The following FAM163B variants were observed in gnomAD, a reference collection of about 807,000 sequenced individuals.
FAM163B encodes family with sequence similarity 163 member B.
FAM163B carries 4 observed loss-of-function variants against 7.6 expected under a neutral mutation model. That is an observed-to-expected ratio of 0.52 (90% CI 0.26 to 1.20). The LOEUF (loss-of-function observed/expected upper bound fraction) is 1.20. FAM163B is among the 50% of genes most tolerant of loss of function. The pLI is 0.14. For missense variants in FAM163B, 250 were observed against 243.0 expected, an observed-to-expected ratio of 1.03 and a Z score of -0.19; for synonymous variants, 120 against 111.6, an observed-to-expected ratio of 1.07 and a Z score of -0.47.
Position 133,579,148 on chromosome 9 carries a change from G to A in FAM163B, c.375C>T (p.Ser125=), listed in dbSNP as rs772227656. The change falls in exon 3 of 3, where the codon AGC becomes AGT. Residue 125 remains serine, a synonymous_variant. Coordinates refer to ENST00000673969, the MANE Select transcript of FAM163B (RefSeq NM_001080515.3). ...LNGGERVLYK[S]VSQEDVELPP... is the part of the protein sequence containing the mutation. The stretch of plus-strand genomic sequence containing the variant: ...GCAGCTCCACGTCCTCCTGGCTCAC[G>A]CTCTTGTAGAGCACGCGCTCCCCGC... 1.2e-5 allele frequency: 19 copies of A among 1,609,886 alleles called. No homozygotes were observed. Among genetic ancestry groups the A allele is most frequent in the East Asian group, 2.2e-5 (1 of 44,866 alleles).
chr9:133,606,864 T>C lies in FAM163B; in HGVS notation c.-24+2213A>G, dbSNP rs969608884. On this transcript the variant is annotated intron_variant, in intron 1 of 2. Coordinates refer to ENST00000673969, the MANE Select transcript of FAM163B (RefSeq NM_001080515.3). This position sits in a 1 kb window ranked among gnomAD's most constrained non-coding sequence, Gnocchi z 4.0. ...TATTCCTCGCTGGAGCCCGCTGCCA[T>C]GAGGCTGCAGAGGCAGGCCCACGTG... 6.6e-6 allele frequency among the ~76,000 whole-genome samples: 1 copy of C among 152,188 alleles called. No individual in the cohort carries two copies. The highest frequency in any genetic ancestry group is 2.4e-5 in the African/African-American group (1 of 41,446).
chr9:133,597,563 T>G (rs551256149), intron 1 of FAM163B, among the ~76,000 whole-genome samples: 1 of 152,008 alleles, frequency 6.6e-6, no homozygotes, highest in Non-Finnish European at 1.5e-5. Context: ...CAAAAAACAA[T>G]TAGAATAAAT....
chr9:133,581,875 C>T (rs1322462157), intron 1 of FAM163B, among the ~76,000 whole-genome samples: 5 of 152,190 alleles, frequency 3.3e-5, no homozygotes, highest in Non-Finnish European at 5.9e-5. Flanking sequence ...TGCCAGATTC[C>T]GGGGGGTCTC....
chr9:133,604,134 G>T (rs1181360658), intron 1 of FAM163B, among the ~76,000 whole-genome samples: 1 of 152,228 alleles, frequency 6.6e-6, no homozygotes, highest in Non-Finnish European at 1.5e-5. Flanking sequence ...GGGCCACTGC[G>T]CCTGGCCTAT....
chr9:133,597,034 A>G (rs1047462430), intron 1 of FAM163B, among the ~76,000 whole-genome samples: 4 of 152,226 alleles, frequency 2.6e-5, no homozygotes, highest in Middle Eastern at 3.2e-3. Context: ...AACAGACATC[A>G]CAAATATGTA....
intron 1 of FAM163B, among the ~76,000 whole-genome samples, chr9:133,590,501 G>A (rs1209085936): frequency 6.6e-6 from 1 of 152,196 alleles, no homozygotes; most frequent in Admixed American, 6.5e-5. Flanking sequence ...ATGCAAAGAT[G>A]AGGAAACGGA....
chr9:133,590,104 T>TCCCTTC (rs1564193550), intron 1 of FAM163B, among the ~76,000 whole-genome samples: 1 of 9,618 alleles, frequency 1.0e-4, no homozygotes, highest in African/African-American at 4.7e-4. Flanking sequence ...CCCTTCCCCT[T>TCCCTTC]CCCTTCCCCT....
chr9:133,582,467 G>T (rs7045027), intron 1 of FAM163B, among the ~76,000 whole-genome samples: 5,860 of 152,274 alleles, frequency 0.038, 385 homozygotes, highest in African/African-American at 0.13. Flanking sequence ...GTCAGGGCTG[G>T]ATCCGCTGCT....
intron 1 of FAM163B, among the ~76,000 whole-genome samples, chr9:133,581,992 C>T (rs1831363366): frequency 6.6e-6 from 1 of 152,182 alleles, no homozygotes; most frequent in African/African-American, 2.4e-5. Flanking sequence ...CGTTTATGAG[C>T]TCCAGTTCTT....
intron 1 of FAM163B, among the ~76,000 whole-genome samples, chr9:133,591,322 G>C (rs1234597140): frequency 6.6e-6 from 1 of 152,246 alleles, no homozygotes; most frequent in Non-Finnish European, 1.5e-5. Context: ...TGTTCCGGAT[G>C]GGGGAGACAC....
intron 1 of FAM163B, among the ~76,000 whole-genome samples, chr9:133,588,963 T>C (rs774235472): frequency 2.0e-5 from 3 of 152,110 alleles, no homozygotes; most frequent in Non-Finnish European, 4.4e-5. Flanking sequence ...GAAATATTTA[T>C]GCACATCCCT....
chr9:133,595,777 T>A (rs530920524), intron 1 of FAM163B, among the ~76,000 whole-genome samples: 1 of 152,302 alleles, frequency 6.6e-6, no homozygotes, highest in South Asian at 2.1e-4. Flanking sequence ...ACCTGCCTGG[T>A]TTGTACCTTT....
Position 133,579,259 on chromosome 9 carries a change from G to T in FAM163B, c.264C>A (p.Arg88=), listed in dbSNP as rs761906166. 36 of 1,612,268 alleles carry T rather than the reference G, an allele frequency of 2.2e-5. No homozygotes were observed. The highest frequency in any genetic ancestry group is 2.8e-5 in the Non-Finnish European group (33 of 1,179,810). Residue 88 remains arginine, a synonymous_variant, in exon 3 of 3, where the codon CGC becomes CGA. Transcript: ENST00000673969. Reference sequence around the variant, plus strand: ...AGTGGGAGCAGCTGCGGCAGAGGGCGCGGGCCTGCGGGGACTTCTGGCTGA... The same window carrying T: ...AGTGGGAGCAGCTGCGGCAGAGGGCTCGGGCCTGCGGGGACTTCTGGCTGA... ...TSFSQKSPQA[R]ALCRSCSHCE... is the part of the protein sequence containing the mutation.
chr9:133,600,570 G>A lies in FAM163B; in HGVS notation c.-24+8507C>T, dbSNP rs996689938. 2.6e-5 allele frequency among the ~76,000 whole-genome samples: 4 copies of A among 152,100 alleles called. No individual in the cohort carries two copies. The highest frequency in any genetic ancestry group is 7.2e-5 in the African/African-American group (3 of 41,410). ...GCCCAGCTTGTTCCCTGGAGCTTTC[G>A]ATGGGGTCTGCAGTGGGATGGGGTG... On this transcript the variant is annotated intron_variant, in intron 1 of 2. Transcript: ENST00000673969. This position sits in a 1 kb window ranked among gnomAD's most constrained non-coding sequence, Gnocchi z 4.9.
At chr9:133,592,773 G>A (rs907871269) in intron 1 of FAM163B, among the ~76,000 whole-genome samples, 6 of 152,174 alleles carry the variant, frequency 3.9e-5, no homozygotes, top group South Asian at 2.1e-4. Context: ...CACCCAGGCC[G>A]GCGGGGGGGT....
rs202112580 is a variant in FAM163B at position 133,590,037 on chromosome 9, GTTCCC to G, written c.-23-9796_-23-9792del. ...AAACCCTCTCTGCTGCTGGACTTAA[GTTCCC>G]TTCCCTTCCCTTCCCTTCCCTTCCC... is the stretch of plus-strand genomic sequence containing the variant. On this transcript the variant is annotated intron_variant, in intron 1 of 2. Coordinates refer to ENST00000673969, the MANE Select transcript of FAM163B (RefSeq NM_001080515.3). 1.0e-3 allele frequency among the ~76,000 whole-genome samples: 84 copies of G among 80,808 alleles called. 4 individuals carry two copies. Among genetic ancestry groups the G allele is most frequent in the East Asian group, 4.0e-3 (6 of 1,482 alleles). 53.0% of individuals were successfully genotyped at this position (80,808 alleles called of 152,430 possible).
intron 1 of FAM163B, among the ~76,000 whole-genome samples, chr9:133,593,444 T>A (rs1040868929): frequency 2.0e-5 from 3 of 150,940 alleles, no homozygotes; most frequent in South Asian, 4.2e-4. Context: ...CCAGCCGAGG[T>A]CATACACCTG....
rs535084192 is a variant in FAM163B at position 133,606,445 on chromosome 9, C to T, written c.-24+2632G>A. ...AGTGTGGCAGCAGCTGGCAGAGAAG[C>T]CCCCCAGCCCCACCCTGGCCTCTGT... On this transcript the variant is annotated intron_variant, in intron 1 of 2. Transcript: ENST00000673969. This position sits in a 1 kb window ranked among gnomAD's most constrained non-coding sequence, Gnocchi z 4.0. 6.6e-6 allele frequency among the ~76,000 whole-genome samples: 1 copy of T among 152,196 alleles called. No homozygotes were observed.
At chr9:133,581,414 T>C (rs1324624818) in intron 1 of FAM163B, among the ~76,000 whole-genome samples, 1 of 152,148 alleles carries the variant, frequency 6.6e-6, no homozygotes. Context: ...AGGAAGAGAT[T>C]GGAGTATTTT....
Sources: allele counts gnomAD v4.1 joint callset (sites outside exome capture counted in the v4.1 genomes callset), GRCh38; gene constraint gnomAD v4.1.1; non-coding constraint Gnocchi (gnomAD v3.1); transcripts MANE v1.5; gene names NCBI Gene and HGNC (gene_info 2026-07-23, HGNC 2026-07-21).